The following CD244 variants were observed in gnomAD, a reference collection of about 807,000 sequenced individuals.
The protein encoded by CD244 is CD244 molecule.
A neutral mutation model predicts 45.5 loss-of-function variants in CD244; 20 were observed. That is an observed-to-expected ratio of 0.44 (90% CI 0.31 to 0.64). CD244 has a LOEUF of 0.64. CD244 is among the 30% of genes least tolerant of loss of function. The probability of loss-of-function intolerance (pLI) is 0.08; values close to 1 mark genes in which losing one functional copy is unlikely to be tolerated. For missense variants in CD244, 407 were observed against 426.9 expected, an observed-to-expected ratio of 0.95 and a Z score of 0.41; for synonymous variants, 185 against 160.5, an observed-to-expected ratio of 1.15 and a Z score of -1.15.
intron 1 of CD244, among the ~76,000 whole-genome samples, chr1:160,857,851 A>C (rs185357741): frequency 3.0e-4 from 46 of 152,212 alleles, no homozygotes; most frequent in African/African-American, 1.1e-3. Context: ...GGTCAAGACC[A>C]GCCCAGGCAG....
At chr1:160,857,658 G>C (rs1259772030) in intron 1 of CD244, among the ~76,000 whole-genome samples, 1 of 152,214 alleles carries the variant, frequency 6.6e-6, no homozygotes, top group African/African-American at 2.4e-5. Context: ...AGACACAAGA[G>C]TGTGTTCATT....
At chr1:160,840,454 G>A (rs1311921897) in intron 3 of CD244, among the ~76,000 whole-genome samples, 1 of 151,532 alleles carries the variant, frequency 6.6e-6, no homozygotes, top group Non-Finnish European at 1.5e-5. Flanking sequence ...GTAGAGACAG[G>A]GTTTCACCAT....
At chr1:160,862,040 A>G (rs1432840768) in intron 1 of CD244, among the ~76,000 whole-genome samples, 1 of 152,066 alleles carries the variant, frequency 6.6e-6, no homozygotes, top group Non-Finnish European at 1.5e-5. Context: ...GAGCTTCCTC[A>G]TATTGTCTCC....
At chr1:160,838,328 G>T in intron 5 of CD244, 123 bp downstream of exon 5, 1 of 776,576 alleles carries the variant, frequency 1.3e-6, no homozygotes, top group Non-Finnish European at 2.3e-6. Context: ...ATGGGGAAGG[G>T]CTGAGGGTCA....
intron 1 of CD244, among the ~76,000 whole-genome samples, chr1:160,855,732 G>C (rs1436187977): frequency 6.6e-6 from 1 of 152,208 alleles, no homozygotes; most frequent in Non-Finnish European, 1.5e-5. Context: ...CAGCTTTGGG[G>C]GCCACCTTCC....
At chr1:160,847,442 T>TA (rs1669775024) in intron 1 of CD244, among the ~76,000 whole-genome samples, 1 of 152,152 alleles carries the variant, frequency 6.6e-6, no homozygotes, top group East Asian at 1.9e-4. Flanking sequence ...AGTATTATCA[T>TA]ATGCTGTGCA....
chr1:160,831,941 T>C (rs1326057627), intron 8 of CD244, among the ~76,000 whole-genome samples: 1 of 152,204 alleles, frequency 6.6e-6, no homozygotes, highest in Non-Finnish European at 1.5e-5. Flanking sequence ...CTGTGAGGAC[T>C]AAATAAAATA....
chr1:160,830,302 C>T lies in CD244; in HGVS notation c.*1045G>A, dbSNP rs1669067123. 1 of 152,392 alleles carries T rather than the reference C, an allele frequency of 6.6e-6. No individual in the cohort carries two copies. Among genetic ancestry groups the T allele is most frequent in the Non-Finnish European group, 1.5e-5 (1 of 68,074 alleles). The allele number at this position is 152,392 out of a possible 1,614,324, so 9.4% of individuals were successfully genotyped here. On this transcript the variant is annotated 3_prime_UTR_variant, in exon 9 of 9. Coordinates refer to ENST00000368034, the MANE Select transcript of CD244 (RefSeq NM_016382.4). ...TTTGTGCAGTATCACCTGTTGGGGTCTCTGAGTAAGTCCTCTCCCAGTTCA... is the reference window on the plus strand; with the variant it reads ...TTTGTGCAGTATCACCTGTTGGGGTTTCTGAGTAAGTCCTCTCCCAGTTCA...
intron 6 of CD244, among the ~76,000 whole-genome samples, chr1:160,835,432 G>T (rs1669300026): frequency 6.6e-6 from 1 of 152,164 alleles, no homozygotes; most frequent in Admixed American, 6.5e-5. Context: ...CTATTTTCAT[G>T]AGGCTGTTAT....
intron 1 of CD244, among the ~76,000 whole-genome samples, chr1:160,851,161 T>C (rs1669906820): frequency 6.6e-6 from 1 of 152,144 alleles, no homozygotes; most frequent in Non-Finnish European, 1.5e-5. Flanking sequence ...CCTCAATAAA[T>C]GGGAATGATT....
chr1:160,836,252 C>T lies in CD244; in HGVS notation c.837G>A (p.Glu279=). The change falls in exon 6 of 9, where the codon GAG becomes GAA. Residue 279 remains glutamate, a splice_region_variant and synonymous_variant. Transcript: ENST00000368034. ...CCCCTCCAGGAAAAGTCTGCTCCTG[C>T]TCCTGCACAAGAAATGGAGATGGGG... ...VKDLKTRRNH[E]QEQTFPGGGS... 1 of 1,613,054 alleles carries T rather than the reference C, an allele frequency of 6.2e-7. No homozygotes were observed. Among genetic ancestry groups the T allele is most frequent in the African/African-American group, 1.3e-5 (1 of 75,026 alleles).
rs774752476 is a variant in CD244 at position 160,841,600 on chromosome 1, G to A, written c.363C>T (p.Phe121=). The change falls in exon 2 of 9, where the codon TTC becomes TTT. Residue 121 remains phenylalanine (F), a synonymous_variant. Transcript: ENST00000368034. The stretch of plus-strand genomic sequence containing the variant: ...GAGACTTACCAAATACAAAAACCTG[G>A]AACGTGGCTGTCTGAACTTTTCCAG... ...SISGKVQTAT[F]QVFVFDKVEK... 1 of 1,614,044 alleles carries A rather than the reference G, an allele frequency of 6.2e-7. No homozygotes were observed. The highest frequency in any genetic ancestry group is 8.5e-7 in the Non-Finnish European group (1 of 1,179,998).
At chr1:160,857,550 A>G (rs74124345) in intron 1 of CD244, among the ~76,000 whole-genome samples, 2,660 of 152,356 alleles carry the variant, frequency 0.017, 77 homozygotes, top group African/African-American at 0.061. Flanking sequence ...GTTTGATTCC[A>G]TATATACGGA....
At chr1:160,850,068 T>C (rs1669869546) in intron 1 of CD244, among the ~76,000 whole-genome samples, 1 of 152,156 alleles carries the variant, frequency 6.6e-6, no homozygotes, top group African/African-American at 2.4e-5. Flanking sequence ...TACCTGTGTA[T>C]ATAGGAAACC....
intron 7 of CD244, 141 bp downstream of exon 7, chr1:160,833,910 C>T: frequency 1.6e-6 from 1 of 613,486 alleles, no homozygotes; most frequent in Non-Finnish European, 3.0e-6. Context: ...CATTTAAATA[C>T]AGTCATTTAA....
intron 1 of CD244, among the ~76,000 whole-genome samples, chr1:160,843,427 C>G (rs1669616320): frequency 6.6e-6 from 1 of 152,140 alleles, no homozygotes; most frequent in Admixed American, 6.5e-5. Context: ...CATTACTAAA[C>G]CTACAAGGAG....
chr1:160,862,282 T>C (rs1460103917), intron 1 of CD244, among the ~76,000 whole-genome samples: 1 of 152,160 alleles, frequency 6.6e-6, no homozygotes, highest in Non-Finnish European at 1.5e-5. Flanking sequence ...CATGCCACAA[T>C]TGGAGGATGC....
At chr1:160,846,659 G>C (rs2101880553) in intron 1 of CD244, among the ~76,000 whole-genome samples, 1 of 152,248 alleles carries the variant, frequency 6.6e-6, no homozygotes, top group African/African-American at 2.4e-5. Flanking sequence ...AAGTGAGACT[G>C]TCTCAAAAAA....
chr1:160,854,987 A>C (rs958203287), intron 1 of CD244, among the ~76,000 whole-genome samples: 1 of 152,188 alleles, frequency 6.6e-6, no homozygotes, highest in African/African-American at 2.4e-5. Flanking sequence ...CTTCTGAAAG[A>C]AGCTCTGGTG....
Sources: allele counts gnomAD v4.1 joint callset (sites outside exome capture counted in the v4.1 genomes callset), GRCh38; gene constraint gnomAD v4.1.1; transcripts MANE v1.5; gene names NCBI Gene and HGNC (gene_info 2026-07-23, HGNC 2026-07-21).